PLD5: variants seen among roughly 807,000 people sequenced by gnomAD.
PLD5 encodes inactive phospholipase D5.
PLD5 carries 36 observed loss-of-function variants against 61.1 expected under a neutral mutation model. That is an observed-to-expected ratio of 0.59 (90% CI 0.45 to 0.78). The LOEUF (loss-of-function observed/expected upper bound fraction) is 0.78. Among genes scored for constraint, PLD5 ranks in the 30% least tolerant of loss-of-function variants. The probability of loss-of-function intolerance (pLI) is 0.00; values close to 1 mark genes in which losing one functional copy is unlikely to be tolerated. For missense variants in PLD5, 515 were observed against 644.4 expected (o/e 0.80, Z 2.17); for synonymous variants, 243 against 242.8 (o/e 1.00, Z -0.01).
intron 5 of PLD5, among the ~76,000 whole-genome samples, chr1:242,210,999 A>G (rs1669781031): frequency 6.6e-6 from 1 of 152,230 alleles, no homozygotes; most frequent in South Asian, 2.1e-4. Flanking sequence ...TTGGTTCATG[A>G]AGTTTAAGGT....
intron 5 of PLD5, among the ~76,000 whole-genome samples, chr1:242,190,797 G>C (rs1457315343): frequency 6.6e-6 from 1 of 152,084 alleles, no homozygotes; most frequent in African/African-American, 2.4e-5. Context: ...ACAGAATCCA[G>C]AGGAAGCTTT....
chr1:242,090,092 C>T lies in PLD5; in HGVS notation c.1373G>A (p.Gly458Glu). The T allele has an allele frequency of 6.2e-7, 1 of 1,613,828 alleles. No homozygotes were observed. The highest frequency in any genetic ancestry group is 1.1e-5 in the South Asian group (1 of 91,066). ...AAYIGNFDWVGNDFTQNAGTG... is the reference protein window; with the variant it reads ...AAYIGNFDWVENDFTQNAGTG... ...GCCAGCATTCTGAGTGAAATCATTC[C>T]CTACCCAATCAAAATTTCCTGCAAA... The change falls in exon 10 of 10, where the codon GGG becomes GAG. Residue 458 changes from glycine to glutamate, a missense_variant. Around this residue, in one of 2 missense-constraint regions of PLD5, gnomAD observed 450 missense variants for 598.1 expected, o/e 0.75. Coordinates refer to ENST00000536534, the MANE Select transcript of PLD5 (RefSeq NM_001372062.1).
chr1:242,507,216 A>T (rs1316788898), intron 1 of PLD5, among the ~76,000 whole-genome samples: 2 of 152,242 alleles, frequency 1.3e-5, no homozygotes, highest in Non-Finnish European at 2.9e-5. Context: ...GAAAAGCTGT[A>T]AAAACAGCAG....
At chr1:242,350,711 T>C (rs1242282050) in intron 1 of PLD5, among the ~76,000 whole-genome samples, 1 of 152,114 alleles carries the variant, frequency 6.6e-6, no homozygotes, top group African/African-American at 2.4e-5. Context: ...AGTGCTTCAT[T>C]TTTGTTTCAA....
intron 4 of PLD5, among the ~76,000 whole-genome samples, chr1:242,221,885 T>G (rs1297855462): frequency 2.0e-5 from 3 of 152,166 alleles, no homozygotes; most frequent in African/African-American, 7.2e-5. Context: ...ACGGGATTAG[T>G]TCCCTAGGTC....
intron 1 of PLD5, among the ~76,000 whole-genome samples, chr1:242,453,186 C>G (rs185298770): frequency 6.8e-4 from 104 of 152,194 alleles, no homozygotes; most frequent in African/African-American, 2.2e-3. Context: ...TCAAACATGA[C>G]TAAGGGAGAT....
In PLD5 at chr1:242,255,294, C is replaced by T. The variant is rs1188592906; in HGVS notation, c.607+10043G>A. Among the ~76,000 whole-genome samples the T allele has an allele frequency of 2.6e-5, 4 of 152,166 alleles. No individual in the cohort carries two copies. In the East Asian group the frequency reaches 5.8e-4, roughly 22 times the overall value. ...AAACTACCAAATTATACTTATAAGG[C>T]TTACATTAAATTAGCACACACAGGC... On this transcript the variant is annotated intron_variant, in intron 4 of 9. Transcript: ENST00000536534.
At chr1:242,475,279 T>C (rs4382706) in intron 1 of PLD5, among the ~76,000 whole-genome samples, 86,007 of 151,366 alleles carry the variant, frequency 0.57, 26,300 homozygotes, top group African/African-American at 0.81. Flanking sequence ...AAAAATTAGC[T>C]GGGCGCGGTG....
intron 1 of PLD5, among the ~76,000 whole-genome samples, chr1:242,392,600 T>C (rs891050053): frequency 2.0e-5 from 3 of 152,286 alleles, no homozygotes. Flanking sequence ...GAAAAACCTG[T>C]CTGGATGGGA....
At chr1:242,522,120 A>G (rs1363612649) in intron 1 of PLD5, among the ~76,000 whole-genome samples, 1 of 152,228 alleles carries the variant, frequency 6.6e-6, no homozygotes, top group African/African-American at 2.4e-5. Context: ...GGGTGTGTAG[A>G]GAAAAACATC....
chr1:242,449,148 C>T (rs1329999972), intron 1 of PLD5, among the ~76,000 whole-genome samples: 1 of 152,156 alleles, frequency 6.6e-6, no homozygotes, highest in African/African-American at 2.4e-5. Context: ...AGCACCATTA[C>T]CTCTGACATG....
Position 242,184,748 on chromosome 1 carries a change from T to TGGGACCCACTGCACTATC in PLD5, c.735+35222_735+35239dup, listed in dbSNP as rs1409527652. ...TTTGAAATTCCTTACTATCCACTTTTGGGACCCACTGCACTATCAGAGAAA... is the reference window on the plus strand; with the variant it reads ...TTTGAAATTCCTTACTATCCACTTTTGGGACCCACTGCACTATCGGGACCCACTGCACTATCAGAGAAA... On this transcript the variant is annotated intron_variant, in intron 5 of 9. Transcript: ENST00000536534. Among the ~76,000 whole-genome samples the TGGGACCCACTGCACTATC allele has an allele frequency of 8.6e-4, 131 of 152,344 alleles. 2 individuals carry two copies. In the Middle Eastern group the frequency reaches 0.01, roughly 12 times the overall value.
At chr1:242,279,388 T>C (rs1674588484) in intron 3 of PLD5, among the ~76,000 whole-genome samples, 1 of 152,138 alleles carries the variant, frequency 6.6e-6, no homozygotes, top group African/African-American at 2.4e-5. Flanking sequence ...TCTCCAAATA[T>C]TGTGACCTAA....
rs571466820 is a variant in PLD5, at chr1:242,218,244, G to A, written c.735+1744C>T. Among the ~76,000 whole-genome samples the A allele has an allele frequency of 3.9e-5, 6 of 152,292 alleles. No homozygotes were observed. The South Asian group carries it at 8.3e-4, about 21-fold the overall frequency. On this transcript the variant is annotated intron_variant, in intron 5 of 9. Coordinates refer to ENST00000536534, the MANE Select transcript of PLD5 (RefSeq NM_001372062.1). ...TACATCTGCATCTGAAGGCTCAGAT[G>A]ATTGTTATTTTCTAGCAATAAAGTA...
intron 5 of PLD5, among the ~76,000 whole-genome samples, chr1:242,132,192 C>CGGGGGGGGG (rs58312459): frequency 9.5e-5 from 2 of 21,070 alleles, no homozygotes; most frequent in Admixed American, 3.1e-4. Flanking sequence ...GCAGTGATTG[C>CGGGGGGGGG]GGGGGGGGGG....
intron 1 of PLD5, among the ~76,000 whole-genome samples, chr1:242,389,471 T>A (rs1341739352): frequency 1.3e-5 from 2 of 151,968 alleles, no homozygotes; most frequent in East Asian, 3.9e-4. Context: ...TTTATTAAGC[T>A]CCCATATTAA....
intron 1 of PLD5, among the ~76,000 whole-genome samples, chr1:242,435,411 T>C (rs935638642): frequency 6.6e-6 from 1 of 151,964 alleles, no homozygotes; most frequent in Non-Finnish European, 1.5e-5. Context: ...TGTGTGTTTT[T>C]TGTTGGTAAT....
chr1:242,376,302 C>G (rs113570743), intron 1 of PLD5, among the ~76,000 whole-genome samples: 8,726 of 152,218 alleles, frequency 0.057, 306 homozygotes, highest in East Asian at 0.097. Flanking sequence ...ACCTGCAAGA[C>G]TGCTTTAAAC....
At chr1:242,118,438 G>A (rs184772527) in intron 6 of PLD5, among the ~76,000 whole-genome samples, 10 of 152,312 alleles carry the variant, frequency 6.6e-5, no homozygotes, top group Admixed American at 5.9e-4. Context: ...TCATTCTAGC[G>A]CATGTTACAT....
Sources: gnomAD v4.1 joint callset for allele counts (sites outside exome capture counted in the v4.1 genomes callset) on GRCh38, gnomAD v4.1.1 for gene constraint, gnomAD v4.1.1 regional missense constraint, MANE v1.5 for transcripts, NCBI Gene and HGNC (gene_info 2026-07-23, HGNC 2026-07-21) for gene names.